Variants in HS6ST2 observed in about 807,000 individuals in gnomAD.
HS6ST2 encodes heparan-sulfate 6-O-sulfotransferase 2.
A neutral mutation model predicts 33.0 loss-of-function variants in HS6ST2; 17 were observed. The observed-to-expected ratio is 0.52, with a 90% CI of 0.35 to 0.77. The LOEUF is 0.77. HS6ST2 is among the 30% of genes least tolerant of loss of function. The probability of loss-of-function intolerance (pLI) is 0.01; values close to 1 mark genes in which losing one functional copy is unlikely to be tolerated. For synonymous variants in HS6ST2, 248 were observed against 237.1 expected, an observed-to-expected ratio of 1.05 and a Z score of -0.42; for missense variants, 519 against 551.7, an observed-to-expected ratio of 0.94 and a Z score of 0.59.
At chrX:132,688,892 C>T (rs1009718490) in intron 3 of HS6ST2, among the ~76,000 whole-genome samples, 2 of 112,309 alleles carry the variant, frequency 1.8e-5, no homozygotes, top group Admixed American at 1.9e-4. Context: ...TACAGGTGCT[C>T]AGTGAAGAGG....
Position 132,762,896 on chromosome X carries a change from C to T in HS6ST2, c.948-54402G>A, listed in dbSNP as rs2064815734. Among the ~76,000 whole-genome samples, 10 of 111,745 alleles carry T rather than the reference C, an allele frequency of 8.9e-5. No homozygotes were observed. The South Asian group carries it at 3.8e-3, about 42-fold the overall frequency. ...GAATTTTTCTACTTTTCAATTGACT[C>T]AGCTTCAGTCTTAACTCTGTCACTT... On this transcript the variant is annotated intron_variant, in intron 2 of 4. Transcript: ENST00000370833.
chrX:132,728,763 A>G (rs138558932), intron 2 of HS6ST2, among the ~76,000 whole-genome samples: 229 of 112,780 alleles, frequency 2.0e-3, no homozygotes, highest in African/African-American at 6.9e-3. Flanking sequence ...GAAGGCACTT[A>G]GATCCCATGG....
intron 2 of HS6ST2, among the ~76,000 whole-genome samples, chrX:132,911,040 C>T (rs1010332162): frequency 9.1e-6 from 1 of 110,075 alleles, no homozygotes; most frequent in African/African-American, 3.3e-5. Flanking sequence ...ATCCCAGCTA[C>T]CAGGGAGGCT....
At chrX:132,739,176 T>C (rs780071029) in intron 2 of HS6ST2, among the ~76,000 whole-genome samples, 110 of 111,653 alleles carry the variant, frequency 9.9e-4, no homozygotes, top group Non-Finnish European at 1.6e-3. Context: ...ATCACTATCA[T>C]TTACTTTGAA....
At chrX:132,791,490 C>T (rs1030534659) in intron 2 of HS6ST2, among the ~76,000 whole-genome samples, 2 of 111,704 alleles carry the variant, frequency 1.8e-5, no homozygotes, top group African/African-American at 6.5e-5. Context: ...GAGGCTTTAA[C>T]AAAAGATATC....
At chrX:132,847,324 A>G (rs1041397659) in intron 2 of HS6ST2, among the ~76,000 whole-genome samples, 5 of 111,133 alleles carry the variant, frequency 4.5e-5, no homozygotes, top group African/African-American at 1.6e-4. Context: ...GATGGTTAGC[A>G]GTATCTCTGG....
intron 3 of HS6ST2, among the ~76,000 whole-genome samples, chrX:132,699,919 C>T (rs994951075): frequency 8.9e-6 from 1 of 112,331 alleles, no homozygotes; most frequent in African/African-American, 3.2e-5. Context: ...ACAGTCTCCT[C>T]ACACAGCCTC....
At chrX:132,673,180 G>A (rs779893168) in intron 3 of HS6ST2, among the ~76,000 whole-genome samples, 1 of 112,593 alleles carries the variant, frequency 8.9e-6, no homozygotes, top group South Asian at 3.7e-4. Context: ...CACTTAGCAT[G>A]TGGTGCTCGT....
chrX:132,661,366 T>A (rs2063771467), intron 4 of HS6ST2, among the ~76,000 whole-genome samples: 1 of 109,299 alleles, frequency 9.1e-6, no homozygotes, highest in Non-Finnish European at 1.9e-5. Flanking sequence ...GAATACAAGA[T>A]TAATCTACAA....
intron 2 of HS6ST2, among the ~76,000 whole-genome samples, chrX:132,868,992 G>A: frequency 1.5e-5 from 1 of 67,904 alleles, no homozygotes; most frequent in East Asian, 3.8e-4. Flanking sequence ...GAATCCAGGA[G>A]GTATTTTTTT....
intron 2 of HS6ST2, among the ~76,000 whole-genome samples, chrX:132,713,438 C>T (rs183752626): frequency 9.0e-6 from 1 of 111,543 alleles, no homozygotes; most frequent in Non-Finnish European, 1.9e-5. Flanking sequence ...ATCTTGTTGC[C>T]CTGGGAAAGG....
intron 2 of HS6ST2, among the ~76,000 whole-genome samples, chrX:132,728,947 T>A (rs977477779): frequency 8.9e-6 from 1 of 112,623 alleles, no homozygotes; most frequent in Non-Finnish European, 1.9e-5. Flanking sequence ...AAATATTGAA[T>A]CCCCTCCACC....
rs771770506 is a variant in HS6ST2, at chrX:132,880,681, G to A, written c.947+76127C>T. Among the ~76,000 whole-genome samples, 3 of 107,652 alleles carry A rather than the reference G, an allele frequency of 2.8e-5. No individual in the cohort carries two copies. In the East Asian group the frequency reaches 8.8e-4, roughly 32 times the overall value. The allele number at this position is 107,652 out of a possible 115,157, so 93.5% of individuals were successfully genotyped here. A position where few individuals can be genotyped will look rare whatever the true frequency, so the allele number is the denominator to read the frequency against. ...CCAGGGTACATGTGCACAACGTGCA[G>A]CTTTGTTACATATGTATACATGTGC... is the stretch of plus-strand genomic sequence containing the variant. On this transcript the variant is annotated intron_variant, in intron 2 of 4. Transcript: ENST00000370833.
At chrX:132,731,600 C>A (rs1460436241) in intron 2 of HS6ST2, among the ~76,000 whole-genome samples, 1 of 112,350 alleles carries the variant, frequency 8.9e-6, no homozygotes, top group Non-Finnish European at 1.9e-5. Flanking sequence ...ATAATCCCAG[C>A]ACTTTGGGAA....
At chrX:132,863,788 G>A (rs762033894) in intron 2 of HS6ST2, among the ~76,000 whole-genome samples, 23 of 111,628 alleles carry the variant, frequency 2.1e-4, no homozygotes, top group Non-Finnish European at 3.8e-4. Context: ...CATAAGCATC[G>A]TATCCACTGC....
intron 2 of HS6ST2, among the ~76,000 whole-genome samples, chrX:132,719,336 T>G (rs190647820): frequency 2.4e-4 from 27 of 112,231 alleles, no homozygotes; most frequent in Non-Finnish European, 3.9e-4. Flanking sequence ...AGTTCAGGAA[T>G]CTTAAAAGTA....
chrX:132,742,471 AC>A (rs1331184137), intron 2 of HS6ST2, among the ~76,000 whole-genome samples: 1 of 111,231 alleles, frequency 9.0e-6, no homozygotes, highest in Admixed American at 9.5e-5. Context: ...CCCACTGTGT[AC>A]CCCACCCCTA....
intron 2 of HS6ST2, among the ~76,000 whole-genome samples, chrX:132,883,042 G>T (rs1569500678): frequency 9.2e-6 from 1 of 108,545 alleles, no homozygotes; most frequent in South Asian, 4.1e-4. Context: ...ATTTTATTGA[G>T]GATTTTTGCA....
At chrX:132,656,277 A>G (rs1391841236) in intron 4 of HS6ST2, among the ~76,000 whole-genome samples, 2 of 109,792 alleles carry the variant, frequency 1.8e-5, no homozygotes, top group Non-Finnish European at 3.8e-5. Context: ...GAGAAAGGGG[A>G]CTGTGAGATT....
Sources: allele counts gnomAD v4.1 joint callset (sites outside exome capture counted in the v4.1 genomes callset), GRCh38; gene constraint gnomAD v4.1.1; transcripts MANE v1.5; gene names NCBI Gene and HGNC (gene_info 2026-07-23, HGNC 2026-07-21).